NAALADL2: variants seen among roughly 807,000 people sequenced by gnomAD.
The protein encoded by NAALADL2 is N-acetylated alpha-linked acidic dipeptidase like 2, also known as inactive N-acetylated-alpha-linked acidic dipeptidase-like protein 2.
A neutral mutation model predicts 87.2 loss-of-function variants in NAALADL2; 76 were observed. The observed-to-expected ratio is 0.87, with a 90% CI of 0.72 to 1.05. NAALADL2 has a LOEUF of 1.05. NAALADL2 is among the 50% of genes least tolerant of loss of function. The probability of loss-of-function intolerance (pLI) is 0.00; values close to 1 mark genes in which losing one functional copy is unlikely to be tolerated. For synonymous variants in NAALADL2, 354 were observed against 331.0 expected (o/e 1.07, Z -0.75); for missense variants, 1,089 against 945.8 (o/e 1.15, Z -1.99).
intron 4 of NAALADL2, chr3:175,256,797 T>C (rs2109836077): frequency 4.4e-6 from 1 of 224,904 alleles, no homozygotes; most frequent in East Asian, 9.2e-5. Flanking sequence ...ACTGAGTTTG[T>C]GGGACCTTAA....
At chr3:174,986,279 A>AATATATACACAATATATATAAT (rs1468281115) in intron 1 of NAALADL2, among the ~76,000 whole-genome samples, 1 of 147,746 alleles carries the variant, frequency 6.8e-6, no homozygotes, top group African/African-American at 2.5e-5. Flanking sequence ...ATATATATAA[A>AATATATACACAATATATATAAT]ATATATACAC....
At chr3:174,991,725 T>G (rs991596500) in intron 1 of NAALADL2, among the ~76,000 whole-genome samples, 2 of 152,132 alleles carry the variant, frequency 1.3e-5, no homozygotes, top group African/African-American at 4.8e-5. Context: ...CAAGCCTTAT[T>G]GTTCACTTGA....
intron 2 of NAALADL2, among the ~76,000 whole-genome samples, chr3:174,580,152 T>C (rs937805721): frequency 1.3e-5 from 2 of 152,088 alleles, no homozygotes; most frequent in African/African-American, 4.8e-5. Flanking sequence ...AAGTATTTAA[T>C]CTTGCAGAAA....
intron 2 of NAALADL2, among the ~76,000 whole-genome samples, chr3:175,185,695 A>G (rs1423468851): frequency 1.3e-5 from 2 of 151,138 alleles, no homozygotes; most frequent in Non-Finnish European, 1.5e-5. Context: ...TTCTTAAGCT[A>G]GTATTTTTTG....
chr3:174,845,672 G>A (rs1455020048), intron 3 of NAALADL2, among the ~76,000 whole-genome samples: 1 of 152,198 alleles, frequency 6.6e-6, no homozygotes. Context: ...CTTTAAGCAG[G>A]TTGTTGAGCC....
intron 5 of NAALADL2, among the ~76,000 whole-genome samples, chr3:175,412,444 G>T (rs899332189): frequency 6.6e-6 from 1 of 152,064 alleles, no homozygotes; most frequent in Non-Finnish European, 1.5e-5. Context: ...ATTAGTATTC[G>T]GATAGCTATT....
At chr3:175,802,279 G>A (rs1005007750) in intron 13 of NAALADL2, among the ~76,000 whole-genome samples, 1 of 151,058 alleles carries the variant, frequency 6.6e-6, no homozygotes, top group Admixed American at 6.6e-5. Flanking sequence ...ATTTTAAACT[G>A]TTTAAATACA....
At chr3:174,550,686 A>T (rs1578146736) in intron 2 of NAALADL2, 1 of 152,204 alleles carries the variant, frequency 6.6e-6, no homozygotes, top group East Asian at 1.9e-4. Flanking sequence ...CAGAGATTCA[A>T]CCAAGTCTTT....
chr3:175,647,965 G>T (rs1222452023), intron 11 of NAALADL2, among the ~76,000 whole-genome samples: 1 of 152,168 alleles, frequency 6.6e-6, no homozygotes, highest in South Asian at 2.1e-4. Context: ...TAGATCTGGG[G>T]TACCCCCAGT....
intron 9 of NAALADL2, among the ~76,000 whole-genome samples, chr3:175,525,813 A>G (rs904339372): frequency 6.6e-6 from 1 of 152,176 alleles, no homozygotes. Flanking sequence ...AAATGATTAT[A>G]TATTTGTAAT....
At chr3:175,210,203 A>G (rs936581758) in intron 2 of NAALADL2, among the ~76,000 whole-genome samples, 1 of 148,672 alleles carries the variant, frequency 6.7e-6, no homozygotes, top group African/African-American at 2.6e-5. Flanking sequence ...ACAAAACATG[A>G]AAAGAGACTA....
intron 1 of NAALADL2, among the ~76,000 whole-genome samples, chr3:175,040,895 G>C (rs975333207): frequency 1.3e-5 from 2 of 152,108 alleles, no homozygotes; most frequent in African/African-American, 4.8e-5. Flanking sequence ...TCAGAGTCCA[G>C]AAAATGTTCA....
intron 9 of NAALADL2, among the ~76,000 whole-genome samples, chr3:175,532,744 G>T (rs929944554): frequency 9.9e-5 from 15 of 152,176 alleles, no homozygotes; most frequent in African/African-American, 3.6e-4. Context: ...CTGCCACTTT[G>T]GTATCCAATT....
chr3:175,612,861 T>A (rs745720429), intron 10 of NAALADL2, among the ~76,000 whole-genome samples: 43 of 152,194 alleles, frequency 2.8e-4, no homozygotes, highest in Admixed American at 3.3e-4. Context: ...TTGTGTACGT[T>A]CTGCATTCTC....
intron 9 of NAALADL2, among the ~76,000 whole-genome samples, chr3:175,537,771 G>A (rs963834017): frequency 6.6e-6 from 1 of 152,118 alleles, no homozygotes; most frequent in Non-Finnish European, 1.5e-5. Flanking sequence ...AGTTTAACAA[G>A]TTTGCTTTCT....
chr3:174,953,330 C>T (rs1174176385), intron 1 of NAALADL2, among the ~76,000 whole-genome samples: 1 of 103,670 alleles, frequency 9.6e-6, no homozygotes. Context: ...CCTCCCCTCC[C>T]CTCCCCTCCC....
chr3:175,412,178 T>C (rs187895104), intron 5 of NAALADL2, among the ~76,000 whole-genome samples: 323 of 152,344 alleles, frequency 2.1e-3, no homozygotes, highest in African/African-American at 7.5e-3. Flanking sequence ...TCTCAACAAG[T>C]GTGGGAACAC....
intron 1 of NAALADL2, among the ~76,000 whole-genome samples, chr3:174,941,125 T>C (rs550252444): frequency 9.2e-5 from 14 of 152,138 alleles, no homozygotes; most frequent in Non-Finnish European, 1.8e-4. Context: ...TCTAACTTTT[T>C]GATGTGGGCA....
In NAALADL2 at chr3:175,698,299, ATATGTGTATATATG is replaced by A. The variant is rs1429652107; in HGVS notation, c.1897-38997_1897-38984del. On this transcript the variant is annotated intron_variant, in intron 11 of 13. Coordinates refer to ENST00000454872, the MANE Select transcript of NAALADL2 (RefSeq NM_207015.3). ...TGTGTATATATGTATGTATACATAT[ATATGTGTATATATG>A]TATGTGTATTTATGTATGTGTATAT... Among the ~76,000 whole-genome samples, 2 of 87,124 alleles carry A rather than the reference ATATGTGTATATATG, an allele frequency of 2.3e-5. 1 individual carries two copies. The highest frequency in any genetic ancestry group is 1.2e-4 in the African/African-American group (2 of 16,142). 57.2% of individuals were successfully genotyped at this position (87,124 alleles called of 152,430 possible).
Sources: allele counts gnomAD v4.1 joint callset (sites outside exome capture counted in the v4.1 genomes callset), GRCh38; gene constraint gnomAD v4.1.1; transcripts MANE v1.5; gene names NCBI Gene and HGNC (gene_info 2026-07-23, HGNC 2026-07-21).